Variants in LGR6 observed in about 807,000 individuals in gnomAD.
LGR6 encodes leucine rich repeat containing G protein-coupled receptor 6.
In LGR6, 45 loss-of-function variants were observed where a neutral mutation model predicts 69.4. The observed-to-expected ratio is 0.65, with a 90% CI of 0.51 to 0.83. The LOEUF (loss-of-function observed/expected upper bound fraction) is 0.83. Ranked by LOEUF, LGR6 falls within the 40% of genes least tolerant of loss-of-function variation. The pLI is 0.00. For missense variants in LGR6, 1,108 were observed against 1,246.7 expected, an observed-to-expected ratio of 0.89 and a Z score of 1.68; for synonymous variants, 538 against 555.0, an observed-to-expected ratio of 0.97 and a Z score of 0.43.
intron 6 of LGR6, among the ~76,000 whole-genome samples, chr1:202,288,412 C>T (rs1208748890): frequency 6.6e-6 from 1 of 152,234 alleles, no homozygotes; most frequent in Non-Finnish European, 1.5e-5. Flanking sequence ...CTTTGCAGCA[C>T]TTGACCCAGT....
rs1226973441 is a variant in LGR6 at position 202,319,230 on chromosome 1, T to C, written c.*23T>C. The C allele has an allele frequency of 1.7e-5, 26 of 1,535,854 alleles. No individual in the cohort carries two copies. Among genetic ancestry groups the C allele is most frequent in the Non-Finnish European group, 2.2e-5 (25 of 1,143,068 alleles). ...TAAATATCCCTCCCCATTCTTCTCT[T>C]CCCCTCTCTTCCCTTTCCTCTCTCC... is the stretch of plus-strand genomic sequence containing the variant. On this transcript the variant is annotated 3_prime_UTR_variant, in exon 18 of 18. Coordinates refer to ENST00000367278, the MANE Select transcript of LGR6 (RefSeq NM_001017403.2).
At chr1:202,230,518 C>T (rs1244148063) in intron 3 of LGR6, among the ~76,000 whole-genome samples, 1 of 152,376 alleles carries the variant, frequency 6.6e-6, no homozygotes, top group East Asian at 1.9e-4. Flanking sequence ...ATGGCTCCCT[C>T]TGCCCTAGGC....
chr1:202,317,509 T>C (rs1654241689), intron 17 of LGR6, among the ~76,000 whole-genome samples: 1 of 152,098 alleles, frequency 6.6e-6, no homozygotes, highest in Admixed American at 6.5e-5. Context: ...CACACCCAGC[T>C]AATTTTTTGT....
chr1:202,194,614 G>A (rs752720973), intron 1 of LGR6: 17 of 537,230 alleles, frequency 3.2e-5, no homozygotes, highest in Non-Finnish European at 4.5e-5. Context: ...TGAGGGGAGC[G>A]TGCCCCAGTA....
At chr1:202,272,377 A>G (rs976602733) in intron 4 of LGR6, among the ~76,000 whole-genome samples, 4 of 152,098 alleles carry the variant, frequency 2.6e-5, no homozygotes, top group Non-Finnish European at 5.9e-5. Context: ...GATTTCTTCC[A>G]TGTGCTCATT....
intron 4 of LGR6, among the ~76,000 whole-genome samples, chr1:202,273,487 C>T (rs1211151149): frequency 6.8e-6 from 1 of 146,216 alleles, no homozygotes; most frequent in Admixed American, 6.9e-5. Flanking sequence ...GATGGAGTTT[C>T]GCTCTTGTCG....
intron 13 of LGR6, among the ~76,000 whole-genome samples, 164 bp from the exon 14 acceptor site, chr1:202,307,165 CA>C (rs956409773): frequency 1.3e-5 from 2 of 152,202 alleles, no homozygotes; most frequent in Admixed American, 6.5e-5. Flanking sequence ...CCTGGGGCCA[CA>C]GCCAGCTCAG....
intron 4 of LGR6, among the ~76,000 whole-genome samples, chr1:202,267,600 C>T (rs2924101): frequency 0.47 from 70,972 of 151,892 alleles, 17,573 homozygotes; most frequent in East Asian, 0.7. Flanking sequence ...TCCTTTTCTG[C>T]ATGCAAGATG....
At chr1:202,295,010 T>C (rs566124253) in intron 6 of LGR6, among the ~76,000 whole-genome samples, 7 of 152,248 alleles carry the variant, frequency 4.6e-5, no homozygotes, top group African/African-American at 1.7e-4. Context: ...TGCAATACTT[T>C]GCGTTTGAGA....
rs1048527497 is a variant in LGR6 at position 202,235,246 on chromosome 1, A to T, written c.357-676A>T. ...CCCAGGTGCCCTGAGGAGCTCCAGG[A>T]CTCCTGCCTATGGAGTCATCGTGGG... On this transcript the variant is annotated intron_variant, in intron 3 of 17. Coordinates refer to ENST00000367278, the MANE Select transcript of LGR6 (RefSeq NM_001017403.2). 2.6e-5 allele frequency among the ~76,000 whole-genome samples: 4 copies of T among 151,702 alleles called. No homozygotes were observed. The East Asian group carries it at 7.8e-4, about 29-fold the overall frequency.
intron 4 of LGR6, among the ~76,000 whole-genome samples, chr1:202,269,480 G>A (rs1664924504): frequency 6.6e-6 from 1 of 152,236 alleles, no homozygotes; most frequent in Non-Finnish European, 1.5e-5. Flanking sequence ...GGGAGGGAAA[G>A]GGATACTTCA....
intron 1 of LGR6, among the ~76,000 whole-genome samples, chr1:202,201,429 C>T (rs1351900562): frequency 6.6e-6 from 1 of 152,232 alleles, no homozygotes; most frequent in Non-Finnish European, 1.5e-5. Context: ...ACTTTATCTG[C>T]ATCATCTCAC....
chr1:202,273,702 C>G (rs1050206224), intron 4 of LGR6, among the ~76,000 whole-genome samples: 3 of 151,894 alleles, frequency 2.0e-5, no homozygotes, highest in African/African-American at 7.3e-5. Flanking sequence ...GTGATCCGCC[C>G]ACCTCAGCCT....
At chr1:202,253,511 G>T (rs1414565477) in intron 4 of LGR6, among the ~76,000 whole-genome samples, 3 of 151,420 alleles carry the variant, frequency 2.0e-5, no homozygotes, top group Non-Finnish European at 4.4e-5. Context: ...CACCATGTTG[G>T]TCAGGCTGGT....
At chr1:202,198,421 G>A (rs1450688091) in intron 1 of LGR6, among the ~76,000 whole-genome samples, 1 of 152,210 alleles carries the variant, frequency 6.6e-6, no homozygotes, top group African/African-American at 2.4e-5. Flanking sequence ...TTGGCATAAT[G>A]TCTGGTCCAT....
intron 4 of LGR6, among the ~76,000 whole-genome samples, chr1:202,275,328 A>G (rs1665457267): frequency 6.6e-6 from 1 of 152,210 alleles, no homozygotes; most frequent in Non-Finnish European, 1.5e-5. Flanking sequence ...TTAGGGCAAT[A>G]GGGGTTCAGC....
rs551458925 is a variant in LGR6, at chr1:202,305,698, A to C, written c.1085A>C (p.Asn362Thr). 1.2e-6 allele frequency: 2 copies of C among 1,613,874 alleles called. No individual in the cohort carries two copies. The highest frequency in any genetic ancestry group is 1.7e-5 in the Admixed American group (1 of 60,026). Reference protein sequence around the residue: ...PRLRVLELSHNQIEELPSLHR... With the variant: ...PRLRVLELSHTQIEELPSLHR... ...CTTTTCCCCAGGGAACTGTCTCACA[A>C]TCAAATTGAGGAGCTGCCCAGCCTG... Residue 362 changes from asparagine to threonine, a missense_variant, in exon 12 of 18, where the codon AAT becomes ACT. Transcript: ENST00000367278.
At chr1:202,242,774 C>A (rs1030510329) in intron 4 of LGR6, among the ~76,000 whole-genome samples, 2 of 152,122 alleles carry the variant, frequency 1.3e-5, no homozygotes, top group Non-Finnish European at 2.9e-5. Context: ...CAGGGAGAAC[C>A]AAAAGCAAGG....
chr1:202,314,624 T>C (rs1654000509), intron 16 of LGR6, among the ~76,000 whole-genome samples, 178 bp from the exon 17 acceptor site: 1 of 152,294 alleles, frequency 6.6e-6, no homozygotes, highest in East Asian at 1.9e-4. Context: ...ATGTGGATAA[T>C]AGGAAGCTGA....
Sources: allele counts gnomAD v4.1 joint callset (sites outside exome capture counted in the v4.1 genomes callset), GRCh38; gene constraint gnomAD v4.1.1; transcripts MANE v1.5; gene names NCBI Gene and HGNC (gene_info 2026-07-23, HGNC 2026-07-21).